Variants in CLDN16 observed in about 807,000 individuals in gnomAD.
CLDN16 encodes the protein claudin 16, also known as claudin-16.
CLDN16 carries 13 observed loss-of-function variants against 24.6 expected under a neutral mutation model. The ratio of observed to expected loss-of-function variants is 0.53; its 90% CI spans 0.34 to 0.84. CLDN16 has a LOEUF of 0.84. Ranked by LOEUF, CLDN16 falls within the 40% of genes least tolerant of loss-of-function variation. The probability of loss-of-function intolerance (pLI) is 0.01; values close to 1 mark genes in which losing one functional copy is unlikely to be tolerated. For synonymous variants in CLDN16, 116 were observed against 106.7 expected, an observed-to-expected ratio of 1.09 and a Z score of -0.54; for missense variants, 298 against 292.7, an observed-to-expected ratio of 1.02 and a Z score of -0.13.
chr3:190,367,942 C>T (rs181372887), intron 1 of CLDN16, among the ~76,000 whole-genome samples: 1 of 152,058 alleles, frequency 6.6e-6, no homozygotes, highest in African/African-American at 2.4e-5. Context: ...TTCCCATAAT[C>T]TTTCCTCCCT....
chr3:190,293,609 G>T, the CLDN16 span, among the ~76,000 whole-genome samples: 1 of 152,160 alleles, frequency 6.6e-6, no homozygotes, highest in African/African-American at 2.4e-5. Context: ...TTCAAATGAG[G>T]GACTGTGGGG....
the CLDN16 span, among the ~76,000 whole-genome samples, chr3:190,317,366 A>C: frequency 1.3e-5 from 2 of 152,200 alleles, no homozygotes; most frequent in Non-Finnish European, 2.9e-5. Flanking sequence ...CTTGAGATTA[A>C]AGACCCCCTA....
At chr3:190,310,435 A>AT in the CLDN16 span, among the ~76,000 whole-genome samples, 1 of 152,340 alleles carries the variant, frequency 6.6e-6, no homozygotes, top group East Asian at 1.9e-4. Context: ...CTATTAAAAT[A>AT]TAAAAAAATA....
rs752112891 is a variant in CLDN16 at position 190,404,730 on chromosome 3, C to T, written c.218-32C>T. 2.1e-5 allele frequency: 34 copies of T among 1,611,352 alleles called. No homozygotes were observed. The South Asian group carries it at 3.3e-4, about 16-fold the overall frequency. On this transcript the variant is annotated intron_variant, in intron 2 of 4. Coordinates refer to ENST00000264734, the MANE Select transcript of CLDN16 (RefSeq NM_006580.4). The stretch of plus-strand genomic sequence containing the variant: ...GAGTTAATATGGTTCCTTCTTCTGA[C>T]TCTGCTTTAACCATATGCCCTGGTC...
Position 190,409,886 on chromosome 3 carries a change from AT to A in CLDN16, c.575-16del, listed in dbSNP as rs751916148. 1.2e-6 allele frequency: 2 copies of A among 1,612,430 alleles called. No individual in the cohort carries two copies. The highest frequency in any genetic ancestry group is 1.7e-6 in the Non-Finnish European group (2 of 1,178,508). On this transcript the variant is annotated splice_polypyrimidine_tract_variant and intron_variant, in intron 4 of 4. Coordinates refer to ENST00000264734, the MANE Select transcript of CLDN16 (RefSeq NM_006580.4). Reference sequence around the variant, plus strand: ...AGTTCACTGAGTTCTACTTATTTTTATATTTCTTTCAAACAGATGTTGGACC... The same window carrying A: ...AGTTCACTGAGTTCTACTTATTTTTAATTTCTTTCAAACAGATGTTGGACC...
intron 1 of CLDN16, among the ~76,000 whole-genome samples, chr3:190,327,688 A>T (rs1326808040): frequency 6.6e-6 from 1 of 152,194 alleles, no homozygotes. Flanking sequence ...CCTCCTTTGT[A>T]TCTCTCCAAA....
At chr3:190,359,115 G>T (rs1717836575) in intron 1 of CLDN16, among the ~76,000 whole-genome samples, 1 of 151,950 alleles carries the variant, frequency 6.6e-6, no homozygotes, top group Non-Finnish European at 1.5e-5. Flanking sequence ...TTTGTTTTCT[G>T]TATATAAATT....
At chr3:190,398,954 T>G (rs946869516) in intron 1 of CLDN16, among the ~76,000 whole-genome samples, 1 of 152,176 alleles carries the variant, frequency 6.6e-6, no homozygotes, top group Non-Finnish European at 1.5e-5. Flanking sequence ...ATTTAGAAAT[T>G]TATATGTTGA....
chr3:190,292,100 G>A, the CLDN16 span, among the ~76,000 whole-genome samples: 1 of 152,312 alleles, frequency 6.6e-6, no homozygotes, highest in East Asian at 1.9e-4. Flanking sequence ...AAGACTCTGT[G>A]TGGGGCCTCC....
upstream of CLDN16, among the ~76,000 whole-genome samples, chr3:190,385,192 T>A (rs1718467177): frequency 6.6e-6 from 1 of 151,878 alleles, no homozygotes; most frequent in Admixed American, 6.6e-5. Flanking sequence ...TATAAAAGAG[T>A]TGATAAACCA....
chr3:190,322,321 C>T (rs1212634329), upstream of CLDN16: 3 of 946,648 alleles, frequency 3.2e-6, no homozygotes, highest in East Asian at 7.8e-5. Flanking sequence ...GAAGTTAAGG[C>T]GGGGAGCCCT....
intron 2 of CLDN16, 150 bp from the exon 3 acceptor site, chr3:190,404,612 G>T (rs1719042563): frequency 1.3e-6 from 1 of 745,092 alleles, no homozygotes; most frequent in Admixed American, 2.0e-5. Flanking sequence ...AAACATTAGG[G>T]GTACTTATGT....
chr3:190,318,629 G>T (rs3774021), upstream of CLDN16, among the ~76,000 whole-genome samples: 17,389 of 152,216 alleles, frequency 0.11, 1,171 homozygotes, highest in East Asian at 0.22. Context: ...TAAGAACAGA[G>T]AATTTCTGAT....
intron 1 of CLDN16, among the ~76,000 whole-genome samples, chr3:190,347,908 A>G (rs1241942978): frequency 1.3e-5 from 2 of 151,990 alleles, no homozygotes; most frequent in Non-Finnish European, 2.9e-5. Context: ...TGGCTGGAGC[A>G]TAGGGAACCT....
upstream of CLDN16, chr3:190,321,894 C>T: frequency 1.1e-6 from 1 of 939,166 alleles, no homozygotes; most frequent in Non-Finnish European, 1.7e-6. Context: ...GACTGATAAC[C>T]ATGGAATCAC....
chr3:190,380,558 A>G (rs938623367), intron 3 of CLDN16, among the ~76,000 whole-genome samples: 6 of 152,076 alleles, frequency 3.9e-5, no homozygotes, highest in Non-Finnish European at 8.8e-5. Flanking sequence ...AAAGCATACA[A>G]TTGACCAATG....
chr3:190,384,514 A>G (rs983953778), upstream of CLDN16, among the ~76,000 whole-genome samples: 1 of 152,166 alleles, frequency 6.6e-6, no homozygotes, highest in Non-Finnish European at 1.5e-5. Flanking sequence ...GGTGGCTCTA[A>G]AGCCTCATCC....
upstream of CLDN16, among the ~76,000 whole-genome samples, chr3:190,321,559 C>T (rs377678485): frequency 5.9e-5 from 9 of 152,260 alleles, no homozygotes; most frequent in African/African-American, 1.7e-4. Flanking sequence ...TTTATTTAAG[C>T]GTGCACACTT....
chr3:190,377,384 A>C (rs1184833797), intron 3 of CLDN16, among the ~76,000 whole-genome samples: 4 of 152,036 alleles, frequency 2.6e-5, no homozygotes, highest in African/African-American at 9.6e-5. Flanking sequence ...TTTACTAAAA[A>C]TGGAGGTCAC....
Sources: gnomAD v4.1 joint callset for allele counts (sites outside exome capture counted in the v4.1 genomes callset) on GRCh38, gnomAD v4.1.1 for gene constraint, MANE v1.5 for transcripts, NCBI Gene and HGNC (gene_info 2026-07-23, HGNC 2026-07-21) for gene names.